PPARGC1A: variants seen among roughly 807,000 people sequenced by gnomAD.
PPARGC1A encodes the protein PPARG coactivator 1 alpha, also known as peroxisome proliferator-activated receptor gamma coactivator 1-alpha.
Under a neutral mutation model 88.7 loss-of-function variants are expected in PPARGC1A, and 25 were observed. The ratio of observed to expected loss-of-function variants is 0.28; its 90% CI spans 0.21 to 0.39. The LOEUF (loss-of-function observed/expected upper bound fraction) is 0.39. Ranked by LOEUF, PPARGC1A falls within the 10% of genes least tolerant of loss-of-function variation. The pLI is 1.00. For missense variants in PPARGC1A, 880 were observed against 968.7 expected (o/e 0.91, Z 1.22); for synonymous variants, 363 against 355.6 (o/e 1.02, Z -0.24).
At chr4:23,906,016 T>C (rs1192303788), upstream of PPARGC1A, among the ~76,000 whole-genome samples, 2 of 152,106 alleles carry the variant, frequency 1.3e-5, no homozygotes, top group Non-Finnish European at 2.9e-5. Flanking sequence ...AAGGCAGGAC[T>C]CAAAGATGAG....
At chr4:24,265,990 G>A in the PPARGC1A span, among the ~76,000 whole-genome samples, 2 of 152,028 alleles carry the variant, frequency 1.3e-5, no homozygotes, top group Non-Finnish European at 2.9e-5. Flanking sequence ...GGGGAGAGGA[G>A]GCTACAAATG....
the PPARGC1A span, among the ~76,000 whole-genome samples, chr4:23,960,648 G>A: frequency 0.056 from 8,582 of 152,080 alleles, 833 homozygotes; most frequent in African/African-American, 0.2. Flanking sequence ...CATTATTTCC[G>A]GCAGAGAGCA....
At chr4:24,462,112 G>A in the PPARGC1A span, among the ~76,000 whole-genome samples, 1 of 152,110 alleles carries the variant, frequency 6.6e-6, no homozygotes, top group South Asian at 2.1e-4. Flanking sequence ...TTGAGATGGA[G>A]TCTCGCTCCA....
chr4:24,113,022 T>C, the PPARGC1A span, among the ~76,000 whole-genome samples: 1 of 152,214 alleles, frequency 6.6e-6, no homozygotes, highest in Non-Finnish European at 1.5e-5. Context: ...AGATATAAAA[T>C]GCTCAAATCC....
chr4:24,324,714 C>G, the PPARGC1A span, among the ~76,000 whole-genome samples: 4 of 152,304 alleles, frequency 2.6e-5, no homozygotes, highest in Non-Finnish European at 5.9e-5. Context: ...GGCAAATGGT[C>G]TGAGGTTCCT....
the PPARGC1A span, among the ~76,000 whole-genome samples, chr4:24,183,006 A>G: frequency 1.3e-5 from 2 of 152,320 alleles, no homozygotes; most frequent in East Asian, 1.9e-4. Flanking sequence ...ACGCAAAGGA[A>G]TAACATAGAC....
chr4:24,388,720 C>T, the PPARGC1A span, among the ~76,000 whole-genome samples: 2 of 151,698 alleles, frequency 1.3e-5, no homozygotes, highest in African/African-American at 4.8e-5. Flanking sequence ...AACACAGGAA[C>T]AGAAAATCAA....
chr4:23,867,806 C>G (rs1712346308), intron 2 of PPARGC1A, among the ~76,000 whole-genome samples: 1 of 152,214 alleles, frequency 6.6e-6, no homozygotes, highest in Non-Finnish European at 1.5e-5. Context: ...ACAAGTATGG[C>G]ACAGTAAACT....
chr4:24,048,877 TAAAG>T, the PPARGC1A span, among the ~76,000 whole-genome samples: 1 of 152,170 alleles, frequency 6.6e-6, no homozygotes, highest in Non-Finnish European at 1.5e-5. Flanking sequence ...TAATGGAAAT[TAAAG>T]AAATATTTTC....
At chr4:24,454,286 T>C in the PPARGC1A span, among the ~76,000 whole-genome samples, 1 of 151,196 alleles carries the variant, frequency 6.6e-6, no homozygotes, top group South Asian at 2.1e-4. Flanking sequence ...ACATGGTTGC[T>C]GGTTTTTTTT....
the PPARGC1A span, among the ~76,000 whole-genome samples, chr4:23,918,361 A>G: frequency 6.6e-6 from 1 of 151,916 alleles, no homozygotes; most frequent in Non-Finnish European, 1.5e-5. Context: ...AGCTGGAATT[A>G]TAGGTGCCAG....
At chr4:24,245,425 T>C in the PPARGC1A span, among the ~76,000 whole-genome samples, 2 of 152,192 alleles carry the variant, frequency 1.3e-5, no homozygotes, top group Non-Finnish European at 2.9e-5. Flanking sequence ...TCAAGCACAG[T>C]ACACTGAGTT....
the PPARGC1A span, among the ~76,000 whole-genome samples, chr4:24,296,892 A>G: frequency 5.2e-4 from 79 of 152,208 alleles, 1 homozygote; most frequent in African/African-American, 1.8e-3. Context: ...TGCCAAGTAT[A>G]TCTCCTCCTA....
At chr4:23,800,192 T>C (rs1313606293) in intron 12 of PPARGC1A, among the ~76,000 whole-genome samples, 1 of 152,156 alleles carries the variant, frequency 6.6e-6, no homozygotes, top group Admixed American at 6.6e-5. Flanking sequence ...AAAGTGCATA[T>C]AGATATCTAA....
the PPARGC1A span, among the ~76,000 whole-genome samples, chr4:24,153,300 C>T: frequency 6.6e-6 from 1 of 151,972 alleles, no homozygotes; most frequent in African/African-American, 2.4e-5. Context: ...TTGCCAGGCT[C>T]CCAGCACTCA....
chr4:24,314,348 G>T, the PPARGC1A span, among the ~76,000 whole-genome samples: 1 of 152,196 alleles, frequency 6.6e-6, no homozygotes, highest in South Asian at 2.1e-4. Flanking sequence ...TGAGGGTTCT[G>T]CCCTCATGAG....
the PPARGC1A span, among the ~76,000 whole-genome samples, chr4:24,067,686 C>T: frequency 6.7e-3 from 1,015 of 152,254 alleles, 16 homozygotes; most frequent in African/African-American, 0.023. Context: ...ACCGTCTGTC[C>T]TCCAATTAAA....
At chr4:24,424,696 C>A in the PPARGC1A span, among the ~76,000 whole-genome samples, 1 of 152,122 alleles carries the variant, frequency 6.6e-6, no homozygotes, top group Non-Finnish European at 1.5e-5. Context: ...TAGTCCCAAG[C>A]GAGATGCACT....
chr4:24,194,669 C>CACACACACACACACA, the PPARGC1A span, among the ~76,000 whole-genome samples: 79 of 40,238 alleles, frequency 2.0e-3, no homozygotes, highest in African/African-American at 3.0e-3. Flanking sequence ...CACACACACA[C>CACACACACACACACA]CCCCATCAAG....
Sources: allele counts gnomAD v4.1 joint callset (sites outside exome capture counted in the v4.1 genomes callset), GRCh38; gene constraint gnomAD v4.1.1; transcripts MANE v1.5; gene names NCBI Gene and HGNC (gene_info 2026-07-23, HGNC 2026-07-21).